GRM1: variants seen among roughly 807,000 people sequenced by gnomAD.
GRM1 encodes metabotropic glutamate receptor 1.
In GRM1, 33 loss-of-function variants were observed where a neutral mutation model predicts 90.9. The observed-to-expected ratio is 0.36, with a 90% confidence interval of 0.28 to 0.49. GRM1 has a LOEUF of 0.49. GRM1 is among the 20% of genes least tolerant of loss of function. The probability of loss-of-function intolerance (pLI) is 0.99; values close to 1 mark genes in which losing one functional copy is unlikely to be tolerated. For synonymous variants in GRM1, 700 were observed against 613.2 expected (o/e 1.14, Z -2.09); for missense variants, 1,190 against 1,534.3 (o/e 0.78, Z 3.75).
chr6:146,079,818 T>C lies in GRM1; in HGVS notation c.700+49601T>C, dbSNP rs117622021. Among the ~76,000 whole-genome samples the C allele has an allele frequency of 1.6e-3, 251 of 152,316 alleles. 2 individuals are homozygous for C. In the East Asian group the frequency reaches 0.034, roughly 21 times the overall value. Reference sequence around the variant, plus strand: ...ATAAAGCCAGGCGTTGTAGAGGAACTATCAGTGGAATTTTCATTTTCATTG... The same window carrying C: ...ATAAAGCCAGGCGTTGTAGAGGAACCATCAGTGGAATTTTCATTTTCATTG... On this transcript the variant is annotated intron_variant, in intron 1 of 7. Coordinates refer to ENST00000282753, the MANE Select transcript of GRM1 (RefSeq NM_001278064.2).
intron 6 of GRM1, among the ~76,000 whole-genome samples, chr6:146,392,066 A>G (rs1313627329): frequency 1.3e-5 from 2 of 152,156 alleles, no homozygotes; most frequent in African/African-American, 2.4e-5. Context: ...GTCCTTGACT[A>G]TTGTCCTCAT....
intron 2 of GRM1, among the ~76,000 whole-genome samples, chr6:146,173,419 A>G (rs547467622): frequency 2.1e-4 from 32 of 151,398 alleles, no homozygotes; most frequent in Admixed American, 2.0e-3. Flanking sequence ...AGAAAAAAAA[A>G]AAGAAAAAGA....
chr6:146,124,180 G>A (rs1006339097), intron 1 of GRM1, among the ~76,000 whole-genome samples: 1 of 152,134 alleles, frequency 6.6e-6, no homozygotes, highest in African/African-American at 2.4e-5. Flanking sequence ...GTTTTAATTA[G>A]TAAGTGATTT....
intron 1 of GRM1, among the ~76,000 whole-genome samples, chr6:146,060,243 GT>G (rs536428236): frequency 2.7e-5 from 4 of 150,726 alleles, no homozygotes; most frequent in African/African-American, 4.9e-5. Context: ...AGGTTTCTGT[GT>G]TTTTTTTTAA....
intron 2 of GRM1, among the ~76,000 whole-genome samples, chr6:146,287,693 A>G (rs1258363464): frequency 6.6e-6 from 1 of 152,224 alleles, no homozygotes; most frequent in Non-Finnish European, 1.5e-5. Context: ...TATAAGGGAA[A>G]GAAAGAGGGA....
At chr6:146,379,938 C>G (rs1045837670) in intron 5 of GRM1, among the ~76,000 whole-genome samples, 3 of 151,268 alleles carry the variant, frequency 2.0e-5, no homozygotes, top group Admixed American at 6.6e-5. Context: ...CTGTCTCTCT[C>G]TCTCTCTCTC....
chr6:146,407,254 G>A (rs1023103125), intron 7 of GRM1, among the ~76,000 whole-genome samples: 1 of 152,160 alleles, frequency 6.6e-6, no homozygotes, highest in Non-Finnish European at 1.5e-5. Flanking sequence ...CCAGGATAAT[G>A]GAGATGCACA....
chr6:146,421,450 G>T (rs1415036866), intron 7 of GRM1, among the ~76,000 whole-genome samples: 1 of 152,030 alleles, frequency 6.6e-6, no homozygotes, highest in African/African-American at 2.4e-5. Flanking sequence ...ACACTATCAT[G>T]TATTATTTAC....
At chr6:146,285,887 C>T (rs114266250) in intron 2 of GRM1, among the ~76,000 whole-genome samples, 1,659 of 152,128 alleles carry the variant, frequency 0.011, 17 homozygotes, top group Non-Finnish European at 0.013. Flanking sequence ...GCTCTTAGTA[C>T]GCCTGGAAAA....
At chr6:146,070,411 GA>G (rs1311126937) in intron 1 of GRM1, among the ~76,000 whole-genome samples, 3 of 152,266 alleles carry the variant, frequency 2.0e-5, no homozygotes, top group Admixed American at 2.0e-4. Flanking sequence ...GGGGAAAAAT[GA>G]GACTCCTAGA....
intron 1 of GRM1, among the ~76,000 whole-genome samples, chr6:146,037,003 A>G (rs1364288814): frequency 1.3e-5 from 2 of 151,992 alleles, no homozygotes; most frequent in Admixed American, 1.3e-4. Context: ...TAAAAAGAAA[A>G]TGTTTAATTA....
intron 2 of GRM1, among the ~76,000 whole-genome samples, chr6:146,202,996 C>A (rs976555375): frequency 6.6e-6 from 1 of 151,870 alleles, no homozygotes; most frequent in Non-Finnish European, 1.5e-5. Context: ...GAGAGAGAGA[C>A]AATCCTGGCT....
chr6:146,028,463 C>T (rs1790580340), upstream of GRM1, among the ~76,000 whole-genome samples: 1 of 151,948 alleles, frequency 6.6e-6, no homozygotes, highest in Non-Finnish European at 1.5e-5. Flanking sequence ...AAGCTCCCCT[C>T]CGTTCCCTTT....
chr6:146,111,521 C>T (rs557304366), intron 1 of GRM1, among the ~76,000 whole-genome samples: 1 of 152,106 alleles, frequency 6.6e-6, no homozygotes, highest in Non-Finnish European at 1.5e-5. Flanking sequence ...CAGAAAGAAT[C>T]CACATTAGAG....
chr6:146,239,631 A>G (rs1370294772), intron 2 of GRM1, among the ~76,000 whole-genome samples: 1 of 152,162 alleles, frequency 6.6e-6, no homozygotes, highest in African/African-American at 2.4e-5. Flanking sequence ...GAAAGAAGGA[A>G]ACTGTTCAAT....
intron 2 of GRM1, among the ~76,000 whole-genome samples, chr6:146,192,932 C>A (rs1778979525): frequency 6.6e-6 from 1 of 151,784 alleles, no homozygotes; most frequent in Admixed American, 6.6e-5. Context: ...AGGAAGATGA[C>A]CGGCATAGAA....
intron 2 of GRM1, among the ~76,000 whole-genome samples, chr6:146,267,702 G>GCTCGGCTCGTCTCGTCTCGTCTCGT (rs1781965440): frequency 1.2e-4 from 10 of 86,120 alleles, no homozygotes; most frequent in Non-Finnish European, 1.5e-4. Context: ...GCTCGGCTCG[G>GCTCGGCTCGTCTCGTCTCGTCTCGT]CTCGTCTCGT....
intron 1 of GRM1, among the ~76,000 whole-genome samples, chr6:146,145,522 G>T (rs953523799): frequency 6.6e-6 from 1 of 152,182 alleles, no homozygotes; most frequent in Non-Finnish European, 1.5e-5. Context: ...GGTACAGCTT[G>T]CACTGCAGCT....
intron 1 of GRM1, among the ~76,000 whole-genome samples, chr6:146,089,169 C>T (rs1179735549): frequency 1.3e-5 from 2 of 152,078 alleles, no homozygotes; most frequent in African/African-American, 4.8e-5. Flanking sequence ...GAATAAGTGG[C>T]CACATTGATG....
Sources: gnomAD v4.1 joint callset for allele counts (sites outside exome capture counted in the v4.1 genomes callset) on GRCh38, gnomAD v4.1.1 for gene constraint, MANE v1.5 for transcripts, NCBI Gene and HGNC (gene_info 2026-07-23, HGNC 2026-07-21) for gene names.